DAPK1: variants seen among roughly 807,000 people sequenced by gnomAD.
DAPK1 encodes death associated protein kinase 1, also known as death-associated protein kinase 1.
Under a neutral mutation model 144.9 loss-of-function variants are expected in DAPK1, and 56 were observed. That is an observed-to-expected ratio of 0.39 (90% CI 0.31 to 0.48). The LOEUF is 0.48. Ranked by LOEUF, DAPK1 falls within the 20% of genes least tolerant of loss-of-function variation. The pLI is 0.95. For synonymous variants in DAPK1, 690 were observed against 749.0 expected (o/e 0.92, Z 1.29); for missense variants, 1,454 against 1,875.4 (o/e 0.78, Z 4.15).
At chr9:87,500,857 C>A (rs1824363945) in intron 2 of DAPK1, among the ~76,000 whole-genome samples, 1 of 152,022 alleles carries the variant, frequency 6.6e-6, no homozygotes, top group Admixed American at 6.6e-5. Flanking sequence ...TTTGTGTGAC[C>A]TAGGAATTTT....
intron 2 of DAPK1, among the ~76,000 whole-genome samples, chr9:87,513,602 A>G (rs533681601): frequency 6.2e-4 from 95 of 152,338 alleles, no homozygotes; most frequent in African/African-American, 2.2e-3. Context: ...TGTAATTCAC[A>G]TTTGAAAACC....
At chr9:87,702,144 A>G (rs994098117) in intron 24 of DAPK1, among the ~76,000 whole-genome samples, 5 of 152,134 alleles carry the variant, frequency 3.3e-5, no homozygotes, top group East Asian at 1.9e-4. Flanking sequence ...AGCCCACCAC[A>G]TCAACTGCAC....
intron 2 of DAPK1, among the ~76,000 whole-genome samples, chr9:87,538,697 A>G (rs1210491722): frequency 6.6e-6 from 1 of 152,216 alleles, no homozygotes; most frequent in Non-Finnish European, 1.5e-5. Flanking sequence ...AATTGCCCGC[A>G]TATGAAAAAG....
intron 2 of DAPK1, among the ~76,000 whole-genome samples, chr9:87,531,163 C>T (rs1368324032): frequency 2.0e-5 from 3 of 152,066 alleles, no homozygotes; most frequent in Non-Finnish European, 4.4e-5. Context: ...CATTGTTGCA[C>T]GCAGTGGGCT....
chr9:87,553,245 G>GT (rs199991539), intron 2 of DAPK1, among the ~76,000 whole-genome samples: 1 of 151,772 alleles, frequency 6.6e-6, no homozygotes, highest in African/African-American at 2.4e-5. Context: ...CTGTCATGTG[G>GT]GGGGGGTTGG....
intron 18 of DAPK1, among the ~76,000 whole-genome samples, chr9:87,660,390 GGAA>G (rs1270420285): frequency 6.6e-6 from 1 of 152,082 alleles, no homozygotes; most frequent in African/African-American, 2.4e-5. Flanking sequence ...GCAGCCACAT[GGAA>G]GAAGGAAAAA....
At chr9:87,644,649 C>T (rs1473120258) in intron 11 of DAPK1, among the ~76,000 whole-genome samples, 2 of 152,068 alleles carry the variant, frequency 1.3e-5, no homozygotes, top group Non-Finnish European at 2.9e-5. Flanking sequence ...AAGATAAAAA[C>T]TGTGACTCTA....
At chr9:87,701,676 G>A (rs1369965275) in intron 24 of DAPK1, among the ~76,000 whole-genome samples, 3 of 151,926 alleles carry the variant, frequency 2.0e-5, no homozygotes, top group East Asian at 1.9e-4. Flanking sequence ...AATGCGGGCA[G>A]ATGCCTGTCT....
intron 2 of DAPK1, among the ~76,000 whole-genome samples, chr9:87,600,245 T>G (rs1193445033): frequency 6.6e-6 from 1 of 152,178 alleles, no homozygotes; most frequent in Non-Finnish European, 1.5e-5. Context: ...TCCGTGCATG[T>G]CCACAAGTGA....
At chr9:87,614,532 G>A (rs929606516) in intron 3 of DAPK1, among the ~76,000 whole-genome samples, 1 of 152,146 alleles carries the variant, frequency 6.6e-6, no homozygotes, top group African/African-American at 2.4e-5. Context: ...TGCAGGTCCT[G>A]CAAATTGTTC....
chr9:87,665,417 A>C (rs1247569768), intron 18 of DAPK1, among the ~76,000 whole-genome samples: 1 of 152,212 alleles, frequency 6.6e-6, no homozygotes, highest in Non-Finnish European at 1.5e-5. Flanking sequence ...AGCCCTTATA[A>C]TTCTGTAGGT....
At chr9:87,572,736 A>C (rs1473454527) in intron 2 of DAPK1, among the ~76,000 whole-genome samples, 1 of 152,168 alleles carries the variant, frequency 6.6e-6, no homozygotes, top group African/African-American at 2.4e-5. Context: ...TGCCATGCTT[A>C]TACGGCCTGC....
intron 2 of DAPK1, among the ~76,000 whole-genome samples, chr9:87,570,561 G>A (rs539333068): frequency 2.0e-5 from 3 of 152,258 alleles, no homozygotes; most frequent in African/African-American, 4.8e-5. Flanking sequence ...TGTACCTCTC[G>A]TAAATAATAC....
chr9:87,606,450 TC>T (rs1184435838), intron 3 of DAPK1, among the ~76,000 whole-genome samples: 5 of 151,152 alleles, frequency 3.3e-5, no homozygotes, highest in Admixed American at 2.6e-4. Context: ...GCTCCCTCCC[TC>T]CCTTCCTTCC....
intron 20 of DAPK1, among the ~76,000 whole-genome samples, chr9:87,682,347 A>G (rs1413579930): frequency 6.6e-6 from 1 of 152,216 alleles, no homozygotes; most frequent in Non-Finnish European, 1.5e-5. Flanking sequence ...TTCCAACTGA[A>G]TCCTCCTTTA....
At chr9:87,645,276 C>T (rs1830230186) in intron 11 of DAPK1, among the ~76,000 whole-genome samples, 1 of 152,162 alleles carries the variant, frequency 6.6e-6, no homozygotes, top group African/African-American at 2.4e-5. Context: ...ATTAGAAATG[C>T]ATCAGTTTTC....
At chr9:87,628,435 G>A (rs1038082151) in intron 3 of DAPK1, among the ~76,000 whole-genome samples, 4 of 152,132 alleles carry the variant, frequency 2.6e-5, no homozygotes, top group Non-Finnish European at 4.4e-5. Context: ...AATTCACTCC[G>A]GTTCGACAAA....
At chr9:87,703,267 CAGCCT>C in intron 25 of DAPK1, 50 bp downstream of exon 25, 3 of 1,042,976 alleles carry the variant, frequency 2.9e-6, no homozygotes, top group Non-Finnish European at 4.4e-6. Context: ...GCCAGGGACT[CAGCCT>C]GTCCCAAATT....
At chr9:87,543,720 C>T (rs548451197) in intron 2 of DAPK1, among the ~76,000 whole-genome samples, 2 of 152,256 alleles carry the variant, frequency 1.3e-5, no homozygotes, top group South Asian at 4.1e-4. Context: ...AATGCATTAT[C>T]TTTGCTATGT....
Sources: allele counts gnomAD v4.1 joint callset (sites outside exome capture counted in the v4.1 genomes callset), GRCh38; gene constraint gnomAD v4.1.1; transcripts MANE v1.5; gene names NCBI Gene and HGNC (gene_info 2026-07-23, HGNC 2026-07-21).